Variants in ADK observed in about 807,000 individuals in gnomAD.
ADK encodes the protein N6,N6-dimethyladenosine kinase.
Under a neutral mutation model 44.7 loss-of-function variants are expected in ADK, and 24 were observed. That is an observed-to-expected ratio of 0.54 (90% CI 0.39 to 0.76). The LOEUF is 0.76. ADK is among the 30% of genes least tolerant of loss of function. The probability of loss-of-function intolerance (pLI) is 0.00; values close to 1 mark genes in which losing one functional copy is unlikely to be tolerated. For missense variants in ADK, 321 were observed against 425.1 expected (o/e 0.76, Z 2.15); for synonymous variants, 128 against 142.6 (o/e 0.90, Z 0.73).
chr10:74,160,007 A>G (rs1259023770), intron 1 of ADK, among the ~76,000 whole-genome samples: 5 of 152,194 alleles, frequency 3.3e-5, no homozygotes, highest in African/African-American at 1.2e-4. Flanking sequence ...GGCAGTTCTC[A>G]ACTCCAAGCC....
intron 3 of ADK, among the ~76,000 whole-genome samples, chr10:74,277,436 G>A (rs529022939): frequency 1.1e-4 from 16 of 151,644 alleles, no homozygotes; most frequent in African/African-American, 2.9e-4. Flanking sequence ...TCACTCTGTC[G>A]CCCAGGCTGG....
At chr10:74,269,150 C>T (rs1846331171) in intron 3 of ADK, among the ~76,000 whole-genome samples, 1 of 151,942 alleles carries the variant, frequency 6.6e-6, no homozygotes, top group Non-Finnish European at 1.5e-5. Context: ...TAATTTTTTT[C>T]CCCACCAACT....
At chr10:74,684,220 T>G (rs1855713672) in intron 10 of ADK, among the ~76,000 whole-genome samples, 1 of 152,204 alleles carries the variant, frequency 6.6e-6, no homozygotes, top group African/African-American at 2.4e-5. Flanking sequence ...ATTAAAACTT[T>G]CCCTAGTATT....
intron 7 of ADK, among the ~76,000 whole-genome samples, chr10:74,586,121 G>A (rs1851517415): frequency 6.6e-6 from 1 of 152,122 alleles, no homozygotes; most frequent in African/African-American, 2.4e-5. Context: ...TGCTGACAGG[G>A]AAAAATAAAT....
At chr10:74,509,805 T>TA (rs1848232246) in intron 6 of ADK, among the ~76,000 whole-genome samples, 1 of 152,312 alleles carries the variant, frequency 6.6e-6, no homozygotes, top group East Asian at 1.9e-4. Context: ...AACTTTTTTT[T>TA]ATCTTCTACT....
intron 3 of ADK, among the ~76,000 whole-genome samples, chr10:74,259,515 G>A (rs1845961974): frequency 6.9e-6 from 1 of 143,946 alleles, no homozygotes; most frequent in South Asian, 2.2e-4. Flanking sequence ...GGAGTGCAGT[G>A]GCGCGATCTC....
At chr10:74,443,070 A>G (rs529049323) in intron 6 of ADK, among the ~76,000 whole-genome samples, 5 of 152,152 alleles carry the variant, frequency 3.3e-5, no homozygotes, top group Non-Finnish European at 7.3e-5. Flanking sequence ...TATAGGATGA[A>G]TACGTTCTGG....
intron 3 of ADK, among the ~76,000 whole-genome samples, chr10:74,306,723 T>G (rs1840263702): frequency 6.6e-6 from 1 of 152,140 alleles, no homozygotes; most frequent in Non-Finnish European, 1.5e-5. Context: ...TTTTTCAGTG[T>G]TGACAGTTCA....
intron 1 of ADK, among the ~76,000 whole-genome samples, chr10:74,153,373 A>G (rs1841666155): frequency 6.6e-6 from 1 of 152,234 alleles, no homozygotes; most frequent in African/African-American, 2.4e-5. Context: ...AACCCCCACA[A>G]CAAAGAATTA....
intron 10 of ADK, among the ~76,000 whole-genome samples, chr10:74,704,549 A>G (rs1402564750): frequency 6.6e-6 from 1 of 152,232 alleles, no homozygotes; most frequent in African/African-American, 2.4e-5. Flanking sequence ...TTTTAAAAAT[A>G]GATTATTGAA....
At chr10:74,448,829 C>T (rs957879774) in intron 6 of ADK, among the ~76,000 whole-genome samples, 2 of 151,998 alleles carry the variant, frequency 1.3e-5, no homozygotes, top group South Asian at 4.1e-4. Context: ...ATAATATATA[C>T]TGGCTTTCTT....
At chr10:74,476,113 T>G (rs2133324446) in intron 6 of ADK, among the ~76,000 whole-genome samples, 1 of 152,310 alleles carries the variant, frequency 6.6e-6, no homozygotes, top group African/African-American at 2.4e-5. Context: ...TTATTTTAAC[T>G]TCCTTCTCTG....
intron 3 of ADK, among the ~76,000 whole-genome samples, chr10:74,295,977 A>G (rs180746136): frequency 4.0e-5 from 6 of 151,364 alleles, no homozygotes; most frequent in Non-Finnish European, 7.4e-5. Context: ...GAGTTCATCA[A>G]TTTTATTAGC....
chr10:74,391,225 C>T (rs1394500167), intron 4 of ADK, among the ~76,000 whole-genome samples: 1 of 152,064 alleles, frequency 6.6e-6, no homozygotes, highest in South Asian at 2.1e-4. Flanking sequence ...GCTTATGTTA[C>T]AATTTGATAC....
intron 1 of ADK, among the ~76,000 whole-genome samples, chr10:74,181,446 A>G (rs1004956178): frequency 1.3e-5 from 2 of 152,198 alleles, no homozygotes; most frequent in African/African-American, 4.8e-5. Flanking sequence ...TTTGTTATGT[A>G]TATCAGATTC....
rs772930931 is a variant in ADK, at chr10:74,589,262, C to A, written c.727-20C>A. 23 of 1,287,656 alleles carry A rather than the reference C, an allele frequency of 1.8e-5. No homozygotes were observed. The South Asian group carries it at 2.0e-4, about 11-fold the overall frequency. The allele number at this position is 1,287,656 out of a possible 1,614,324, so 79.8% of individuals were successfully genotyped here. A position where few individuals can be genotyped will look rare whatever the true frequency, so the allele number is the denominator to read the frequency against. ...ACCGAGCACTTTATAATTAACTGTT[C>A]TTTTTTTTTTTTATTTCAGGAAGCT... On this transcript the variant is annotated intron_variant, in intron 7 of 10. Coordinates refer to ENST00000539909, the MANE Select transcript of ADK (RefSeq NM_006721.4).
chr10:74,262,730 T>A (rs1159466562), intron 3 of ADK, among the ~76,000 whole-genome samples: 1 of 152,226 alleles, frequency 6.6e-6, no homozygotes, highest in Non-Finnish European at 1.5e-5. Context: ...CTTGCTGTCA[T>A]GGGATTTACA....
At chr10:74,646,806 C>T (rs1854070115) in intron 9 of ADK, among the ~76,000 whole-genome samples, 2 of 152,092 alleles carry the variant, frequency 1.3e-5, no homozygotes, top group African/African-American at 2.4e-5. Flanking sequence ...AGTTGTCTCA[C>T]AAGAGAGCAG....
chr10:74,685,534 A>G (rs1855754410), intron 10 of ADK, among the ~76,000 whole-genome samples: 1 of 152,258 alleles, frequency 6.6e-6, no homozygotes, highest in Non-Finnish European at 1.5e-5. Context: ...ATATTGTTGC[A>G]TAAGAGGGCA....
Sources: gnomAD v4.1 joint callset for allele counts (sites outside exome capture counted in the v4.1 genomes callset) on GRCh38, gnomAD v4.1.1 for gene constraint, MANE v1.5 for transcripts, NCBI Gene and HGNC (gene_info 2026-07-23, HGNC 2026-07-21) for gene names.